Variants in PCGF5 observed in about 807,000 individuals in gnomAD.
PCGF5 encodes polycomb group ring finger 5, also known as polycomb group RING finger protein 5.
In PCGF5, 9 loss-of-function variants were observed where a neutral mutation model predicts 44.3. The ratio of observed to expected loss-of-function variants is 0.20; its 90% confidence interval spans 0.12 to 0.35. The LOEUF is 0.35. Among genes scored for constraint, PCGF5 ranks in the 10% least tolerant of loss-of-function variants. The pLI is 1.00. For missense variants in PCGF5, 146 were observed against 305.3 expected (o/e 0.48, Z 3.89); for synonymous variants, 95 against 102.5 (o/e 0.93, Z 0.44).
In PCGF5 at chr10:91,283,018, C is replaced by T. The variant is rs1846490239; in HGVS notation, c.*4702C>T. The T allele has an allele frequency of 6.6e-6, 1 of 152,298 alleles. No individual in the cohort carries two copies. The highest frequency in any genetic ancestry group is 1.5e-5 in the Non-Finnish European group (1 of 68,020). 9.4% of individuals were successfully genotyped at this position (152,298 alleles called of 1,614,324 possible). On this transcript the variant is annotated 3_prime_UTR_variant, in exon 10 of 10. Transcript: ENST00000336126. ...GAGACTCAAACCCTTTCAAGGCACA[C>T]AATAACTGTTCTGGATTTACCTGAC...
chr10:91,255,417 C>T (rs1564651712), intron 6 of PCGF5, among the ~76,000 whole-genome samples: 1 of 152,194 alleles, frequency 6.6e-6, no homozygotes, highest in Non-Finnish European at 1.5e-5. Context: ...AGGCCCTAAG[C>T]TCTCACCTCT....
intron 1 of PCGF5, among the ~76,000 whole-genome samples, chr10:91,204,269 G>A (rs552457467): frequency 5.8e-4 from 88 of 152,076 alleles, no homozygotes; most frequent in African/African-American, 2.0e-3. Context: ...TCCAGCATTG[G>A]ATAATAAATT....
chr10:91,165,225 A>C (rs749575549), intron 1 of PCGF5, among the ~76,000 whole-genome samples: 1 of 152,192 alleles, frequency 6.6e-6, no homozygotes, highest in Non-Finnish European at 1.5e-5. Context: ...ATATCCTAAG[A>C]CACTTAGTAT....
At chr10:91,269,561 A>G (rs1846128640) in intron 8 of PCGF5, among the ~76,000 whole-genome samples, 1 of 152,142 alleles carries the variant, frequency 6.6e-6, no homozygotes, top group Non-Finnish European at 1.5e-5. Context: ...ATTACAAGCA[A>G]GGTGTTCCAG....
chr10:91,165,260 T>G (rs1843479625), intron 1 of PCGF5, among the ~76,000 whole-genome samples: 1 of 152,236 alleles, frequency 6.6e-6, no homozygotes, highest in African/African-American at 2.4e-5. Context: ...CATGTGGAGC[T>G]CTGTCAAGAG....
At chr10:91,262,301 C>A (rs1452448563) in intron 7 of PCGF5, among the ~76,000 whole-genome samples, 1 of 152,056 alleles carries the variant, frequency 6.6e-6, no homozygotes, top group Non-Finnish European at 1.5e-5. Context: ...TGGCAGGTGC[C>A]TGTATTCTCA....
At chr10:91,196,338 C>T (rs1302722979) in intron 1 of PCGF5, among the ~76,000 whole-genome samples, 1 of 152,204 alleles carries the variant, frequency 6.6e-6, no homozygotes, top group East Asian at 1.9e-4. Flanking sequence ...TTTCAGTTTA[C>T]AAAGTTCAAA....
intron 1 of PCGF5, among the ~76,000 whole-genome samples, chr10:91,183,776 T>G (rs1245245197): frequency 6.6e-6 from 1 of 152,212 alleles, no homozygotes; most frequent in African/African-American, 2.4e-5. Flanking sequence ...ATGAATTCCC[T>G]TAGCATTTGC....
chr10:91,178,309 T>G (rs1313302137), intron 1 of PCGF5, among the ~76,000 whole-genome samples: 1 of 152,088 alleles, frequency 6.6e-6, no homozygotes, highest in Non-Finnish European at 1.5e-5. Context: ...CAGAAGAAAT[T>G]GCTAAAATTT....
At chr10:91,277,627 A>G (rs545364915) in intron 9 of PCGF5, among the ~76,000 whole-genome samples, 3 of 152,368 alleles carry the variant, frequency 2.0e-5, no homozygotes, top group South Asian at 2.1e-4. Context: ...CAGTTATTTT[A>G]TGTAATAGTC....
intron 1 of PCGF5, among the ~76,000 whole-genome samples, chr10:91,186,444 G>A (rs906400214): frequency 6.6e-6 from 1 of 152,078 alleles, no homozygotes; most frequent in Non-Finnish European, 1.5e-5. Flanking sequence ...AACTTTCAAT[G>A]AAAGAAATTT....
At chr10:91,199,117 A>G (rs1328910160) in intron 1 of PCGF5, among the ~76,000 whole-genome samples, 1 of 152,078 alleles carries the variant, frequency 6.6e-6, no homozygotes, top group Non-Finnish European at 1.5e-5. Context: ...TGTCTCTACC[A>G]CTTTCTGGGT....
At chr10:91,236,115 A>G (rs1397715554) in intron 2 of PCGF5, among the ~76,000 whole-genome samples, 5 of 152,144 alleles carry the variant, frequency 3.3e-5, no homozygotes, top group East Asian at 3.8e-4. Flanking sequence ...AAAATATGAT[A>G]TGAATTTTTG....
chr10:91,225,731 C>T (rs1328484300), intron 2 of PCGF5, among the ~76,000 whole-genome samples: 1 of 151,782 alleles, frequency 6.6e-6, no homozygotes, highest in Non-Finnish European at 1.5e-5. Flanking sequence ...TATATTTATA[C>T]AAATAAAAGA....
chr10:91,241,937 C>A (rs1845339020), intron 3 of PCGF5, among the ~76,000 whole-genome samples: 1 of 152,126 alleles, frequency 6.6e-6, no homozygotes, highest in African/African-American at 2.4e-5. Context: ...ACACATCAGA[C>A]CTGCTAACTC....
intron 3 of PCGF5, among the ~76,000 whole-genome samples, chr10:91,248,072 C>G (rs1676966425): frequency 6.6e-6 from 1 of 152,052 alleles, no homozygotes; most frequent in Non-Finnish European, 1.5e-5. Context: ...CATCCTCCAG[C>G]CTTGTTCTCA....
At position 91,193,331 on chromosome 10, in the gene PCGF5, G is replaced by A. The variant is rs571932546; in HGVS notation, c.-183-29358G>A. Among the ~76,000 whole-genome samples, 196 of 151,440 alleles carry A rather than the reference G, an allele frequency of 1.3e-3. 1 individual carries two copies. The highest frequency in any genetic ancestry group is 2.3e-3 in the Non-Finnish European group (157 of 67,890). ...GTAGAGGACCCAGCTCAGCCAAATT[G>A]TACTTAGACTTCTAACCTACACAAC... On this transcript the variant is annotated intron_variant, in intron 1 of 9. Coordinates refer to the PCGF5 transcript ENST00000614189.
chr10:91,273,686 T>A (rs746581823), intron 9 of PCGF5, among the ~76,000 whole-genome samples: 23 of 152,058 alleles, frequency 1.5e-4, no homozygotes, highest in Non-Finnish European at 2.9e-5. Context: ...GGTGGAATCC[T>A]TCCACTTTGC....
At chr10:91,226,985 C>T (rs1417350231) in intron 2 of PCGF5, among the ~76,000 whole-genome samples, 1 of 152,002 alleles carries the variant, frequency 6.6e-6, no homozygotes, top group Non-Finnish European at 1.5e-5. Context: ...TCACTTAATA[C>T]TAGATGAACT....
Sources: gnomAD v4.1 joint callset for allele counts (sites outside exome capture counted in the v4.1 genomes callset) on GRCh38, gnomAD v4.1.1 for gene constraint, MANE v1.5 for transcripts, NCBI Gene and HGNC (gene_info 2026-07-23, HGNC 2026-07-21) for gene names.